The following ST3GAL3 variants were observed in gnomAD, a reference collection of about 807,000 sequenced individuals.
ST3GAL3 encodes CMP-N-acetylneuraminate-beta-1,4-galactoside alpha-2,3-sialyltransferase.
A neutral mutation model predicts 50.1 loss-of-function variants in ST3GAL3; 21 were observed. That is an observed-to-expected ratio of 0.42 (90% CI 0.30 to 0.60). The LOEUF (loss-of-function observed/expected upper bound fraction) is 0.60. ST3GAL3 is among the 20% of genes least tolerant of loss of function. ST3GAL3 has a pLI of 0.19. For missense variants in ST3GAL3, 353 were observed against 489.4 expected, an observed-to-expected ratio of 0.72 and a Z score of 2.63; for synonymous variants, 183 against 190.0, an observed-to-expected ratio of 0.96 and a Z score of 0.30.
chr1:43,723,388 C>T (rs184990234), intron 1 of ST3GAL3, among the ~76,000 whole-genome samples: 7 of 152,042 alleles, frequency 4.6e-5, no homozygotes, highest in Admixed American at 1.3e-4. Flanking sequence ...GAATTACAGG[C>T]GTGAGCCACC....
intron 1 of ST3GAL3, among the ~76,000 whole-genome samples, chr1:43,723,048 A>G (rs12410444): frequency 0.25 from 38,339 of 151,262 alleles, 5,131 homozygotes; most frequent in Middle Eastern, 0.3. Context: ...CTGCATAATG[A>G]GTGACTTCTC....
intron 5 of ST3GAL3, among the ~76,000 whole-genome samples, chr1:43,852,498 T>C (rs2067521350): frequency 6.6e-6 from 1 of 152,224 alleles, no homozygotes; most frequent in Admixed American, 6.5e-5. Flanking sequence ...GACTGTGAAC[T>C]TCTCACATAG....
At position 43,930,443 on chromosome 1, in the gene ST3GAL3, G is replaced by T. The variant is rs559850958; in HGVS notation, c.*222G>T. The T allele has an allele frequency of 5.1e-5, 31 of 605,200 alleles. No homozygotes were observed. Among genetic ancestry groups the T allele is most frequent in the Admixed American group, 3.7e-4 (14 of 37,398 alleles). 37.5% of individuals were successfully genotyped at this position (605,200 alleles called of 1,614,324 possible). On this transcript the variant is annotated 3_prime_UTR_variant, in exon 12 of 12. Transcript: ENST00000347631. The stretch of plus-strand genomic sequence containing the variant: ...GTCCTTGATGCCAGAGGGCCAGCAG[G>T]CTCCTGGCTGTGCCCAGCAGGCCCA...
At chr1:43,765,743 CTGTGTG>C (rs763910168) in intron 2 of ST3GAL3, among the ~76,000 whole-genome samples, 4 of 140,798 alleles carry the variant, frequency 2.8e-5, no homozygotes, top group Non-Finnish European at 4.7e-5. Context: ...ATGTGTGTGT[CTGTGTG>C]TGTCTGTGTG....
chr1:43,827,269 CT>C (rs2062933176), intron 4 of ST3GAL3, among the ~76,000 whole-genome samples: 2 of 152,124 alleles, frequency 1.3e-5, no homozygotes, highest in South Asian at 4.2e-4. Context: ...AAGGCAATTG[CT>C]TTTCTATATA....
At chr1:43,890,799 A>C (rs1015327090) in intron 5 of ST3GAL3, among the ~76,000 whole-genome samples, 1 of 152,106 alleles carries the variant, frequency 6.6e-6, no homozygotes. Flanking sequence ...TGGGAGGATC[A>C]CTTGAGCCCA....
In ST3GAL3 at chr1:43,824,704, T is replaced by C. The variant is rs1337825476; in HGVS notation, c.209+9771T>C. 1.9e-6 allele frequency: 3 copies of C among 1,613,742 alleles called. No individual in the cohort carries two copies. In the Admixed American group the frequency reaches 5.0e-5, roughly 27 times the overall value. On this transcript the variant is annotated intron_variant, in intron 4 of 11. Coordinates refer to ENST00000347631, the MANE Select transcript of ST3GAL3 (RefSeq NM_006279.5). The stretch of plus-strand genomic sequence containing the variant: ...ACATCTTGAGCTATGTGATCAAGAC[T>C]GAAAAAGCCAAATTCCCACTTTGCA...
chr1:43,844,669 G>A (rs554719964), intron 5 of ST3GAL3, among the ~76,000 whole-genome samples: 37 of 152,126 alleles, frequency 2.4e-4, no homozygotes, highest in Non-Finnish European at 4.3e-4. Context: ...AAAATTAGCC[G>A]GGCGTGGTGG....
Position 43,736,283 on chromosome 1 carries a change from G to A in ST3GAL3, c.21G>A (p.Val7=), listed in dbSNP as rs1239691104. 1 of 1,614,118 alleles carries A rather than the reference G, an allele frequency of 6.2e-7. No homozygotes were observed. The highest frequency in any genetic ancestry group is 1.1e-5 in the South Asian group (1 of 91,084). ...TGAAGATGGGACTCTTGGTATTTGTGCGCAATCTGCTGCTAGCCCTCTGCC... is the reference window on the plus strand; with the variant it reads ...TGAAGATGGGACTCTTGGTATTTGTACGCAATCTGCTGCTAGCCCTCTGCC... MGLLVF[V]RNLLLALCLF... The change falls in exon 2 of 12, where the codon GTG becomes GTA. Residue 7 remains valine, a synonymous_variant. Transcript: ENST00000347631.
intron 2 of ST3GAL3, among the ~76,000 whole-genome samples, chr1:43,769,564 A>G (rs1469839278): frequency 6.6e-6 from 1 of 152,066 alleles, no homozygotes; most frequent in Non-Finnish European, 1.5e-5. Context: ...TAAATATAAT[A>G]TCTGGTAATA....
intron 2 of ST3GAL3, among the ~76,000 whole-genome samples, chr1:43,778,223 A>G (rs1385673657): frequency 6.6e-6 from 1 of 152,216 alleles, no homozygotes; most frequent in Non-Finnish European, 1.5e-5. Context: ...TGGGAGCTGA[A>G]CCATGAGAAC....
intron 1 of ST3GAL3, among the ~76,000 whole-genome samples, chr1:43,732,050 C>T (rs1478594406): frequency 2.0e-5 from 3 of 152,214 alleles, no homozygotes; most frequent in Non-Finnish European, 4.4e-5. Flanking sequence ...TATGTACATA[C>T]TATTCTACAG....
chr1:43,817,782 TCTTCTCCTCCTCCTTCTCCTCCTC>T (rs1237651325), intron 4 of ST3GAL3, among the ~76,000 whole-genome samples: 1 of 88,262 alleles, frequency 1.1e-5, no homozygotes, highest in African/African-American at 4.5e-5. Context: ...TTCTCCTCCT[TCTTCTCCTCCTCCTTCTCCTCCTC>T]CTTCTCCTCC....
At chr1:43,880,013 G>T (rs1041551282) in intron 5 of ST3GAL3, among the ~76,000 whole-genome samples, 2 of 152,168 alleles carry the variant, frequency 1.3e-5, no homozygotes, top group East Asian at 1.9e-4. Flanking sequence ...TCTGTGCACA[G>T]CTTAGCAATC....
chr1:43,712,869 G>C (rs906692864), intron 1 of ST3GAL3, among the ~76,000 whole-genome samples: 13 of 152,112 alleles, frequency 8.5e-5, no homozygotes, highest in Admixed American at 2.6e-4. Flanking sequence ...TGCAGAAATC[G>C]GTCAAGAATA....
chr1:43,828,476 G>GA (rs2063109672), intron 4 of ST3GAL3, among the ~76,000 whole-genome samples: 1 of 152,056 alleles, frequency 6.6e-6, no homozygotes, highest in Admixed American at 6.6e-5. Flanking sequence ...ACAAACTGGG[G>GA]AAAAAATTGC....
At chr1:43,876,357 G>A (rs775646729) in intron 5 of ST3GAL3, among the ~76,000 whole-genome samples, 52 of 152,248 alleles carry the variant, frequency 3.4e-4, no homozygotes, top group Non-Finnish European at 6.8e-4. Flanking sequence ...CAAGCACAGG[G>A]ATCATAAATG....
At chr1:43,866,732 G>A (rs2071411549) in intron 5 of ST3GAL3, among the ~76,000 whole-genome samples, 1 of 152,166 alleles carries the variant, frequency 6.6e-6, no homozygotes, top group South Asian at 2.1e-4. Flanking sequence ...TTGGCACATA[G>A]TGTTACATCC....
At chr1:43,723,083 G>T (rs1671234469) in intron 1 of ST3GAL3, among the ~76,000 whole-genome samples, 1 of 151,532 alleles carries the variant, frequency 6.6e-6, no homozygotes, top group South Asian at 2.1e-4. Context: ...ATTTAAGAGG[G>T]TAGCAACCCT....
Sources: gnomAD v4.1 joint callset for allele counts (sites outside exome capture counted in the v4.1 genomes callset) on GRCh38, gnomAD v4.1.1 for gene constraint, MANE v1.5 for transcripts, NCBI Gene and HGNC (gene_info 2026-07-23, HGNC 2026-07-21) for gene names.